The following GPBP1L1 variants were observed in gnomAD, a reference collection of about 807,000 sequenced individuals.
GPBP1L1 encodes GC-rich promoter binding protein 1 like 1, also known as vasculin-like protein 1.
In GPBP1L1, 23 loss-of-function variants were observed where a neutral mutation model predicts 52.5. The ratio of observed to expected loss-of-function variants is 0.44; its 90% CI spans 0.32 to 0.62. The LOEUF (loss-of-function observed/expected upper bound fraction) is 0.62. Among genes scored for constraint, GPBP1L1 ranks in the 20% least tolerant of loss-of-function variants. The pLI, the probability that GPBP1L1 is intolerant of heterozygous loss-of-function variation, is 0.06. For missense variants in GPBP1L1, 596 were observed against 579.3 expected (o/e 1.03, Z -0.30); for synonymous variants, 243 against 203.1 (o/e 1.20, Z -1.67).
At chr1:45,654,897 A>T in intron 5 of GPBP1L1, 68 bp from the exon 6 acceptor site, 1 of 1,438,256 alleles carries the variant, frequency 7.0e-7, no homozygotes, top group Non-Finnish European at 9.4e-7. Flanking sequence ...TATTGGCCAA[A>T]GGCCTTCAGG....
intron 6 of GPBP1L1, among the ~76,000 whole-genome samples, chr1:45,649,411 A>G (rs1025322077): frequency 1.4e-4 from 21 of 151,404 alleles, no homozygotes; most frequent in Admixed American, 1.2e-3. Context: ...CTAGGTTTAC[A>G]TGTTGTTTTT....
chr1:45,653,189 TCTA>T (rs1350676341), intron 6 of GPBP1L1, among the ~76,000 whole-genome samples: 1 of 152,168 alleles, frequency 6.6e-6, no homozygotes, highest in African/African-American at 2.4e-5. Context: ...TTTAGGTGAC[TCTA>T]CTAACTGATG....
At chr1:45,634,069 A>C (rs1644564149) in intron 9 of GPBP1L1, 27 bp downstream of exon 9, 1 of 1,571,468 alleles carries the variant, frequency 6.4e-7, no homozygotes, top group South Asian at 1.2e-5. Flanking sequence ...ATTTCAGAAA[A>C]GACTGTCCTG....
At chr1:45,642,700 A>G (rs1479131706) in intron 6 of GPBP1L1, among the ~76,000 whole-genome samples, 3 of 152,260 alleles carry the variant, frequency 2.0e-5, no homozygotes, top group Non-Finnish European at 4.4e-5. Flanking sequence ...TGTTAATATT[A>G]GGTTCTCCTG....
Position 45,669,910 on chromosome 1 carries a change from C to T in GPBP1L1, c.-1097-8685G>A, listed in dbSNP as rs554023171. On this transcript the variant is annotated intron_variant, in intron 2 of 12. Transcript: ENST00000355105. ...AAACTGAACTCCTTTTTAGTATTTC[C>T]CTGTATCACTAGTTATCAATCTATC... Among the ~76,000 whole-genome samples, 5 of 152,232 alleles carry T rather than the reference C, an allele frequency of 3.3e-5. No homozygotes were observed. In the South Asian group the frequency reaches 8.3e-4, roughly 25 times the overall value.
intron 7 of GPBP1L1, among the ~76,000 whole-genome samples, chr1:45,642,203 T>C (rs1005309063): frequency 6.6e-6 from 1 of 152,158 alleles, no homozygotes; most frequent in African/African-American, 2.4e-5. Flanking sequence ...AAGTTCTCAG[T>C]TGTCTGTATT....
At chr1:45,633,122 A>G (rs1644550946) in intron 10 of GPBP1L1, among the ~76,000 whole-genome samples, 1 of 152,182 alleles carries the variant, frequency 6.6e-6, no homozygotes, top group Non-Finnish European at 1.5e-5. Flanking sequence ...CAAGCTAAAC[A>G]TGCTCTTACC....
chr1:45,686,231 A>T (rs1645282101), intron 1 of GPBP1L1, among the ~76,000 whole-genome samples, 181 bp downstream of exon 1: 2 of 152,226 alleles, frequency 1.3e-5, no homozygotes, highest in African/African-American at 4.8e-5. Flanking sequence ...GGGGTGCCGC[A>T]TCCGAACCAC....
At chr1:45,660,011 A>G (rs577450068) in intron 3 of GPBP1L1, among the ~76,000 whole-genome samples, 173 bp downstream of exon 3, 1 of 152,322 alleles carries the variant, frequency 6.6e-6, no homozygotes, top group Non-Finnish European at 1.5e-5. Context: ...TATTTAGTTC[A>G]CATTAATTTC....
intron 2 of GPBP1L1, among the ~76,000 whole-genome samples, chr1:45,683,925 A>G (rs373030699): frequency 1.3e-5 from 2 of 151,372 alleles, no homozygotes; most frequent in African/African-American, 4.9e-5. Flanking sequence ...CCGTATCAAA[A>G]ACAAAACAAA....
At chr1:45,648,672 A>G (rs1323483938) in intron 6 of GPBP1L1, among the ~76,000 whole-genome samples, 2 of 152,224 alleles carry the variant, frequency 1.3e-5, no homozygotes, top group African/African-American at 4.8e-5. Context: ...CGTAGATGGC[A>G]TCTGTAGATT....
intron 4 of GPBP1L1, among the ~76,000 whole-genome samples, chr1:45,658,470 G>A (rs1468035441): frequency 6.6e-6 from 1 of 151,984 alleles, no homozygotes; most frequent in Non-Finnish European, 1.5e-5. Context: ...AAAAAAGTGA[G>A]ATACTTAAAA....
chr1:45,654,767 C>T lies in GPBP1L1; in HGVS notation c.253G>A (p.Ala85Thr). The stretch of plus-strand genomic sequence containing the variant: ...GGGTTCCCTGTGATTCCAGCATATG[C>T]TCCCTTAGAGACACCAGAGTCCACA... Reference protein sequence around the residue: ...DSVDSGVSKGAYAGITGNPSG... With the variant: ...DSVDSGVSKGTYAGITGNPSG... Residue 85 changes from alanine (A) to threonine (T), a missense_variant, in exon 6 of 13, where the codon GCA becomes ACA. Ala to Thr is a moderately conservative substitution (Grantham distance 58). Coordinates refer to ENST00000355105, the MANE Select transcript of GPBP1L1 (RefSeq NM_021639.5). 1 of 1,614,138 alleles carries T rather than the reference C, an allele frequency of 6.2e-7. No individual in the cohort carries two copies. Among genetic ancestry groups the T allele is most frequent in the Non-Finnish European group, 8.5e-7 (1 of 1,180,024 alleles).
At chr1:45,670,949 C>T (rs1046316880) in intron 2 of GPBP1L1, among the ~76,000 whole-genome samples, 1 of 151,652 alleles carries the variant, frequency 6.6e-6, no homozygotes, top group Non-Finnish European at 1.5e-5. Flanking sequence ...CCCGCCACCA[C>T]ACCCAGCTAA....
At chr1:45,643,247 T>C (rs1644696274) in intron 6 of GPBP1L1, among the ~76,000 whole-genome samples, 1 of 152,190 alleles carries the variant, frequency 6.6e-6, no homozygotes, top group African/African-American at 2.4e-5. Flanking sequence ...CTGCAAATAG[T>C]TCAGCATGAG....
At chr1:45,676,405 A>G (rs543703179) in intron 2 of GPBP1L1, among the ~76,000 whole-genome samples, 1 of 152,160 alleles carries the variant, frequency 6.6e-6, no homozygotes, top group African/African-American at 2.4e-5. Context: ...GTTTAAGACA[A>G]ACCTGGGAAA....
chr1:45,653,395 G>A (rs532997020), intron 6 of GPBP1L1, among the ~76,000 whole-genome samples: 9 of 152,090 alleles, frequency 5.9e-5, no homozygotes, highest in South Asian at 4.2e-4. Context: ...TTAGCTGGGC[G>A]TGGTGGCATG....
At chr1:45,673,629 A>G (rs1197012014) in intron 2 of GPBP1L1, among the ~76,000 whole-genome samples, 1 of 152,234 alleles carries the variant, frequency 6.6e-6, no homozygotes, top group African/African-American at 2.4e-5. Context: ...TGGGAGGCCA[A>G]TGCAGGCGGA....
intron 6 of GPBP1L1, among the ~76,000 whole-genome samples, chr1:45,646,512 A>G (rs1208768962): frequency 6.6e-6 from 1 of 152,018 alleles, no homozygotes; most frequent in Non-Finnish European, 1.5e-5. Context: ...TTGTAGATTC[A>G]AATCTAAATG....
Sources: gnomAD v4.1 joint callset for allele counts (sites outside exome capture counted in the v4.1 genomes callset) on GRCh38, gnomAD v4.1.1 for gene constraint, MANE v1.5 for transcripts, NCBI Gene and HGNC (gene_info 2026-07-23, HGNC 2026-07-21) for gene names.